DSG2: variants seen among roughly 807,000 people sequenced by gnomAD.
The protein encoded by DSG2 is desmoglein 2, also known as desmoglein-2.
In DSG2, 45 loss-of-function variants were observed where a neutral mutation model predicts 75.6. The ratio of observed to expected loss-of-function variants is 0.60; its 90% CI spans 0.47 to 0.76. DSG2 has a LOEUF of 0.76. Among genes scored for constraint, DSG2 ranks in the 30% least tolerant of loss-of-function variants. The probability of loss-of-function intolerance (pLI) is 0.00; values close to 1 mark genes in which losing one functional copy is unlikely to be tolerated. For missense variants in DSG2, 1,267 were observed against 1,357.4 expected, an observed-to-expected ratio of 0.93 and a Z score of 1.05; for synonymous variants, 429 against 483.9, an observed-to-expected ratio of 0.89 and a Z score of 1.49.
intron 2 of DSG2, 107 bp downstream of exon 2, chr18:31,518,381 C>G: frequency 1.1e-6 from 1 of 942,884 alleles, no homozygotes; most frequent in Non-Finnish European, 1.7e-6. Context: ...TTGTATTAGA[C>G]CCAGCCATTC....
At position 31,524,604 on chromosome 18, in the gene DSG2, A is replaced by C; in HGVS notation, c.828+19A>C. ...TAAAGTGGTAACTATTATTCTTCTAATAACTGTACCTATTTATTTATATTT... is the reference window on the plus strand; with the variant it reads ...TAAAGTGGTAACTATTATTCTTCTACTAACTGTACCTATTTATTTATATTT... On this transcript the variant is annotated intron_variant, in intron 7 of 14. Coordinates refer to ENST00000261590, the MANE Select transcript of DSG2 (RefSeq NM_001943.5). 6.2e-7 allele frequency: 1 copy of C among 1,609,720 alleles called. No individual in the cohort carries two copies. The highest frequency in any genetic ancestry group is 1.1e-5 in the South Asian group (1 of 90,842).
chr18:31,519,390 C>A (rs1188693981), intron 2 of DSG2, among the ~76,000 whole-genome samples: 3 of 151,924 alleles, frequency 2.0e-5, no homozygotes, highest in African/African-American at 4.8e-5. Context: ...ATGGTGAAAC[C>A]CCATAGCTAC....
rs769554984 is a variant in DSG2, at chr18:31,538,858, A to G, written c.1759A>G (p.Thr587Ala). 1.2e-6 allele frequency: 2 copies of G among 1,614,188 alleles called. No homozygotes were observed. Among genetic ancestry groups the G allele is most frequent in the South Asian group, 2.2e-5 (2 of 91,084 alleles). ...TAGTTGTCCTGAAAAGCAGGTCCTT[A>G]CACTCACAGTTTGTGAGTGTCTGCA... ...GFSCPEKQVL[T>A]LTVCECLHGS... Residue 587 changes from threonine (T) to alanine (A), a missense_variant, in exon 12 of 15, where the codon ACA (threonine) becomes GCA (alanine). By Grantham distance (58) the Thr-to-Ala change is moderately conservative. Coordinates refer to ENST00000261590, the MANE Select transcript of DSG2 (RefSeq NM_001943.5).
intron 1 of DSG2, among the ~76,000 whole-genome samples, chr18:31,500,830 T>TA (rs2073009957): frequency 6.6e-6 from 1 of 152,128 alleles, no homozygotes; most frequent in South Asian, 2.1e-4. Context: ...ATCCATCAAC[T>TA]CCCAAATGGT....
At chr18:31,523,807 G>T (rs111712711) in intron 6 of DSG2, among the ~76,000 whole-genome samples, 1 of 152,178 alleles carries the variant, frequency 6.6e-6, no homozygotes, top group Non-Finnish European at 1.5e-5. Flanking sequence ...AGTAAGTGAC[G>T]ATGCCAGAAT....
chr18:31,504,756 CCTA>C (rs984816835), intron 1 of DSG2, among the ~76,000 whole-genome samples: 4 of 152,178 alleles, frequency 2.6e-5, no homozygotes, highest in African/African-American at 9.7e-5. Context: ...ATCTCTCCGC[CCTA>C]CTCAGATACT....
rs1178435861 is a variant in DSG2 at position 31,542,818 on chromosome 18, T to G, written c.2300T>G (p.Leu767Arg). The change falls in exon 14 of 15, where the codon CTG (leucine) becomes CGG (arginine). Residue 767 changes from leucine to arginine, a missense_variant. Physicochemically the swap from Leu to Arg is moderately radical, Grantham distance 102 (BLOSUM62 -2). Transcript: ENST00000261590. ...GGAGCTCAGGCAGCTGCTGTTGCAC[T>G]GAACGAAGAATTCTTAAGAAATTAT... ...MAGAQAAAVA[L>R]NEEFLRNYFT... 6.4e-7 allele frequency: 1 copy of G among 1,566,812 alleles called. No homozygotes were observed. Among genetic ancestry groups the G allele is most frequent in the Admixed American group, 2.0e-5 (1 of 49,656 alleles).
At chr18:31,542,243 A>G in intron 13 of DSG2, 5 of 504,210 alleles carry the variant, frequency 9.9e-6, no homozygotes, top group Admixed American at 6.5e-5. Flanking sequence ...CTGTAGAGGG[A>G]GGTTGAAATG....
At chr18:31,529,007 A>T (rs995148971) in intron 8 of DSG2, among the ~76,000 whole-genome samples, 2 of 152,198 alleles carry the variant, frequency 1.3e-5, no homozygotes, top group African/African-American at 4.8e-5. Context: ...TATATAAGTT[A>T]TACCTGAATG....
At chr18:31,509,291 C>T (rs1359150169) in intron 1 of DSG2, among the ~76,000 whole-genome samples, 1 of 152,202 alleles carries the variant, frequency 6.6e-6, no homozygotes, top group Non-Finnish European at 1.5e-5. Flanking sequence ...ATATTTGTTA[C>T]ATTCAGATTA....
chr18:31,529,168 T>G (rs889891200), intron 8 of DSG2, among the ~76,000 whole-genome samples: 8 of 152,020 alleles, frequency 5.3e-5, no homozygotes, highest in African/African-American at 1.7e-4. Flanking sequence ...ATAGCAAAAA[T>G]GGAAATGATA....
At chr18:31,500,475 C>CA (rs1486737157) in intron 1 of DSG2, among the ~76,000 whole-genome samples, 2 of 152,170 alleles carry the variant, frequency 1.3e-5, no homozygotes, top group East Asian at 1.9e-4. Flanking sequence ...TTGGTGTTCA[C>CA]AAATCTAGTA....
At position 31,546,397 on chromosome 18, in the gene DSG2, G is replaced by A; in HGVS notation, c.3011G>A (p.Gly1004Asp). 2 of 1,614,146 alleles carry A rather than the reference G, an allele frequency of 1.2e-6. No individual in the cohort carries two copies. The highest frequency in any genetic ancestry group is 2.7e-5 in the African/African-American group (2 of 75,026). ...PHGGGSNPLEGTQHLQDVPYV... is the reference protein window; with the variant it reads ...PHGGGSNPLEDTQHLQDVPYV... ...GGGGGTGGATCGAATCCTCTGGAAG[G>A]CACTCAGCATCTTCAAGATGTACCT... Residue 1004 changes from glycine (G) to aspartate (D), a missense_variant, in exon 15 of 15, where the codon GGC becomes GAC. Coordinates refer to ENST00000261590, the MANE Select transcript of DSG2 (RefSeq NM_001943.5).
At chr18:31,501,204 T>C (rs570453982) in intron 1 of DSG2, among the ~76,000 whole-genome samples, 29 of 152,366 alleles carry the variant, frequency 1.9e-4, no homozygotes, top group Admixed American at 1.2e-3. Flanking sequence ...ATTTTATACA[T>C]TTGAAATCAT....
intron 1 of DSG2, among the ~76,000 whole-genome samples, chr18:31,508,370 T>G (rs1020148238): frequency 2.8e-5 from 4 of 141,434 alleles, no homozygotes; most frequent in Non-Finnish European, 5.9e-5. Flanking sequence ...TTATTTTATT[T>G]TATTTTATTT....
chr18:31,535,929 T>C (rs533761591), intron 10 of DSG2, among the ~76,000 whole-genome samples: 1 of 151,918 alleles, frequency 6.6e-6, no homozygotes, highest in Non-Finnish European at 1.5e-5. Flanking sequence ...AAAAAAAAAT[T>C]GAGGGGTAGA....
In DSG2 at chr18:31,531,379, A is replaced by C. The variant is rs2073197953; in HGVS notation, c.1280+127A>C. 10 of 1,191,100 alleles carry C rather than the reference A, an allele frequency of 8.4e-6. No homozygotes were observed. The South Asian group carries it at 1.5e-4, about 18-fold the overall frequency. 73.8% of individuals were successfully genotyped at this position (1,191,100 alleles called of 1,614,324 possible). A position where few individuals can be genotyped will look rare whatever the true frequency, so the allele number is the denominator to read the frequency against. On this transcript the variant is annotated intron_variant, in intron 9 of 14. Coordinates refer to ENST00000261590, the MANE Select transcript of DSG2 (RefSeq NM_001943.5). ...GCATTATAGTTCCCCAAAGGTCTACAAGTTAAATTTTCCAAAGATGTGTCT... is the reference window on the plus strand; with the variant it reads ...GCATTATAGTTCCCCAAAGGTCTACCAGTTAAATTTTCCAAAGATGTGTCT...
intron 8 of DSG2, among the ~76,000 whole-genome samples, chr18:31,527,341 A>C (rs906681370): frequency 2.6e-5 from 4 of 152,218 alleles, no homozygotes; most frequent in Non-Finnish European, 4.4e-5. Context: ...TTTGCACCTC[A>C]ACAAAATTGC....
intron 8 of DSG2, among the ~76,000 whole-genome samples, chr18:31,527,955 A>T (rs899259604): frequency 6.6e-6 from 1 of 152,150 alleles, no homozygotes; most frequent in African/African-American, 2.4e-5. Context: ...TGATCCCAGG[A>T]TCTCCCAAAA....
Sources: gnomAD v4.1 joint callset for allele counts (sites outside exome capture counted in the v4.1 genomes callset) on GRCh38, gnomAD v4.1.1 for gene constraint, MANE v1.5 for transcripts, NCBI Gene and HGNC (gene_info 2026-07-23, HGNC 2026-07-21) for gene names.